PPA2: variants seen among roughly 807,000 people sequenced by gnomAD.
PPA2 encodes the protein inorganic pyrophosphatase 2, mitochondrial.
Under a neutral mutation model 49.5 loss-of-function variants are expected in PPA2, and 48 were observed. That is an observed-to-expected ratio of 0.97 (90% CI 0.77 to 1.23). PPA2 has a LOEUF of 1.23. Among genes scored for constraint, PPA2 ranks in the 50% most tolerant of loss-of-function variants. PPA2 has a pLI of 0.00. For missense variants in PPA2, 429 were observed against 410.1 expected (o/e 1.05, Z -0.40); for synonymous variants, 131 against 139.9 (o/e 0.94, Z 0.45).
chr4:105,402,981 TTC>T (rs1722285167), intron 7 of PPA2, among the ~76,000 whole-genome samples: 1 of 149,976 alleles, frequency 6.7e-6, no homozygotes, highest in South Asian at 2.1e-4. Context: ...TCAAAATTCT[TTC>T]TTTTTCTTTC....
chr4:105,388,280 C>T (rs961491025), intron 9 of PPA2, among the ~76,000 whole-genome samples: 12 of 152,044 alleles, frequency 7.9e-5, no homozygotes, highest in Admixed American at 2.6e-4. Flanking sequence ...TATTTTTCAT[C>T]TGTTAAATCT....
chr4:105,385,417 A>G (rs1349432032), intron 10 of PPA2, among the ~76,000 whole-genome samples: 1 of 152,036 alleles, frequency 6.6e-6, no homozygotes, highest in Non-Finnish European at 1.5e-5. Flanking sequence ...TAAAAAAAAA[A>G]CAAAAAACAA....
intron 7 of PPA2, chr4:105,405,713 C>T: frequency 1.2e-6 from 1 of 816,378 alleles, no homozygotes; most frequent in South Asian, 2.6e-5. Context: ...TCAGGCTAAC[C>T]TACCTAAAAT....
At chr4:105,437,702 T>G (rs1578860876) in intron 6 of PPA2, among the ~76,000 whole-genome samples, 1 of 152,336 alleles carries the variant, frequency 6.6e-6, no homozygotes, top group East Asian at 1.9e-4. Context: ...ATAGACAGTA[T>G]GTACATGAAT....
chr4:105,457,006 A>G (rs1722899702), intron 1 of PPA2, among the ~76,000 whole-genome samples: 1 of 152,188 alleles, frequency 6.6e-6, no homozygotes, highest in Non-Finnish European at 1.5e-5. Flanking sequence ...CCAAAGCAGA[A>G]AATATCTACA....
intron 1 of PPA2, among the ~76,000 whole-genome samples, chr4:105,464,695 T>A (rs146532178): frequency 6.6e-6 from 1 of 152,268 alleles, no homozygotes; most frequent in East Asian, 1.9e-4. Flanking sequence ...ATCTGATGAT[T>A]ATATACGGGG....
chr4:105,421,569 T>C (rs1488858626), intron 7 of PPA2, among the ~76,000 whole-genome samples: 1 of 152,204 alleles, frequency 6.6e-6, no homozygotes, highest in Non-Finnish European at 1.5e-5. Flanking sequence ...TGACTAAAAA[T>C]AATTTTTCAA....
intron 7 of PPA2, among the ~76,000 whole-genome samples, chr4:105,402,860 TG>T (rs1722274625): frequency 6.6e-6 from 1 of 152,090 alleles, no homozygotes; most frequent in African/African-American, 2.4e-5. Flanking sequence ...GGTAAGATTT[TG>T]GGTATGTTTT....
chr4:105,391,344 C>CAAAAAAAA (rs11373169), intron 9 of PPA2, among the ~76,000 whole-genome samples: 82 of 102,454 alleles, frequency 8.0e-4, no homozygotes, highest in East Asian at 1.5e-3. Flanking sequence ...CTTAAAGTAA[C>CAAAAAAAA]AAAAAAAAAA....
At chr4:105,389,846 A>G (rs1733841614) in intron 9 of PPA2, among the ~76,000 whole-genome samples, 1 of 152,190 alleles carries the variant, frequency 6.6e-6, no homozygotes, top group South Asian at 2.1e-4. Context: ...TCAGAATGAC[A>G]ATAATTTTAG....
chr4:105,437,559 C>A (rs1724121248), intron 6 of PPA2, among the ~76,000 whole-genome samples: 1 of 152,116 alleles, frequency 6.6e-6, no homozygotes, highest in Non-Finnish European at 1.5e-5. Flanking sequence ...AAGGTGAAGA[C>A]AGGACTTGGC....
chr4:105,469,840 CT>C (rs1171870061), intron 1 of PPA2, among the ~76,000 whole-genome samples: 1 of 152,168 alleles, frequency 6.6e-6, no homozygotes, highest in African/African-American at 2.4e-5. Context: ...ATATTTAAGA[CT>C]CAAACAAATT....
intron 10 of PPA2, among the ~76,000 whole-genome samples, chr4:105,378,922 C>G (rs973615656): frequency 2.0e-5 from 3 of 151,936 alleles, no homozygotes; most frequent in Non-Finnish European, 4.4e-5. Context: ...TTTTAAAAAG[C>G]CTTGAAATCA....
chr4:105,369,613 G>T lies in PPA2; in HGVS notation c.*112C>A. On this transcript the variant is annotated 3_prime_UTR_variant, in exon 12 of 12. Coordinates refer to ENST00000341695, the MANE Select transcript of PPA2 (RefSeq NM_176869.3). The stretch of plus-strand genomic sequence containing the variant: ...ATATATTGCATAGCTCAAAAAGTTT[G>T]AAAAAATGAAGTTTTAACAGGAAGT... The T allele has an allele frequency of 9.9e-7, 1 of 1,005,982 alleles. No individual in the cohort carries two copies. The highest frequency in any genetic ancestry group is 1.5e-6 in the Non-Finnish European group (1 of 652,692). 62.3% of individuals were successfully genotyped at this position (1,005,982 alleles called of 1,614,324 possible). A position where few individuals can be genotyped will look rare whatever the true frequency, so the allele number is the denominator to read the frequency against.
At chr4:105,442,006 C>CT (rs11429892) in intron 5 of PPA2, among the ~76,000 whole-genome samples, 40,501 of 143,872 alleles carry the variant, frequency 0.28, 5,669 homozygotes, top group East Asian at 0.43. Flanking sequence ...ACTACCATCA[C>CT]TTTTTTTTTT....
At chr4:105,453,969 C>T (rs1722772076) in intron 2 of PPA2, 3 of 198,430 alleles carry the variant, frequency 1.5e-5, no homozygotes, top group African/African-American at 2.3e-5. Flanking sequence ...ATGCTTAAAA[C>T]AGTCATTTCA....
intron 10 of PPA2, among the ~76,000 whole-genome samples, chr4:105,383,509 T>G (rs1222024289): frequency 6.6e-6 from 1 of 152,182 alleles, no homozygotes; most frequent in East Asian, 1.9e-4. Flanking sequence ...CAGCATATAC[T>G]TCCTCCAATA....
intron 7 of PPA2, among the ~76,000 whole-genome samples, chr4:105,420,516 A>G (rs906589117): frequency 1.3e-5 from 2 of 152,224 alleles, no homozygotes; most frequent in Admixed American, 6.5e-5. Flanking sequence ...AATTAAAAAG[A>G]AAATTCCTGA....
intron 1 of PPA2, among the ~76,000 whole-genome samples, chr4:105,463,487 G>C (rs545944926): frequency 6.6e-6 from 1 of 152,148 alleles, no homozygotes; most frequent in Non-Finnish European, 1.5e-5. Flanking sequence ...CCCATTTTTT[G>C]AGAAGAAATT....
Sources: gnomAD v4.1 joint callset for allele counts (sites outside exome capture counted in the v4.1 genomes callset) on GRCh38, gnomAD v4.1.1 for gene constraint, MANE v1.5 for transcripts, NCBI Gene and HGNC (gene_info 2026-07-23, HGNC 2026-07-21) for gene names.